The following HS6ST3 variants were observed in gnomAD, a reference collection of about 807,000 sequenced individuals.
HS6ST3 encodes the protein heparan-sulfate 6-O-sulfotransferase 3.
In HS6ST3, 12 loss-of-function variants were observed where a neutral mutation model predicts 36.7. That is an observed-to-expected ratio of 0.33 (90% CI 0.21 to 0.53). The LOEUF is 0.53. Among genes scored for constraint, HS6ST3 ranks in the 20% least tolerant of loss-of-function variants. The pLI is 0.95. For missense variants in HS6ST3, 584 were observed against 640.9 expected (o/e 0.91, Z 0.96); for synonymous variants, 240 against 257.5 (o/e 0.93, Z 0.65).
intron 1 of HS6ST3, among the ~76,000 whole-genome samples, chr13:96,154,494 C>T (rs953410187): frequency 2.0e-5 from 3 of 152,062 alleles, no homozygotes; most frequent in Non-Finnish European, 2.9e-5. Flanking sequence ...GGTGATTTCA[C>T]TATTCAGCTT....
At chr13:96,674,043 G>A (rs2138433043) in intron 1 of HS6ST3, among the ~76,000 whole-genome samples, 1 of 152,190 alleles carries the variant, frequency 6.6e-6, no homozygotes, top group East Asian at 1.9e-4. Flanking sequence ...GGGTGATATG[G>A]TTTGTATTTG....
chr13:96,166,146 C>T (rs1347061693), intron 1 of HS6ST3, among the ~76,000 whole-genome samples: 1 of 151,958 alleles, frequency 6.6e-6, no homozygotes, highest in Non-Finnish European at 1.5e-5. Context: ...TGGCCTTGAA[C>T]TTTTAGGCTC....
At chr13:96,403,933 G>A (rs946930924) in intron 1 of HS6ST3, among the ~76,000 whole-genome samples, 3 of 152,124 alleles carry the variant, frequency 2.0e-5, no homozygotes, top group Non-Finnish European at 2.9e-5. Context: ...TGGGCAGATT[G>A]GATGAGTAAT....
At chr13:96,729,019 T>C (rs768045944) in intron 1 of HS6ST3, among the ~76,000 whole-genome samples, 16 of 152,184 alleles carry the variant, frequency 1.1e-4, no homozygotes, top group Non-Finnish European at 1.9e-4. Context: ...TAAGAATGCA[T>C]AGGGAATGCT....
intron 1 of HS6ST3, among the ~76,000 whole-genome samples, chr13:96,330,465 A>G (rs1342356922): frequency 2.4e-4 from 36 of 148,674 alleles, no homozygotes; most frequent in African/African-American, 8.9e-4. Flanking sequence ...TGGATATGAA[A>G]TTCTGGGTTG....
chr13:96,273,930 TCC>T (rs2054734017), intron 1 of HS6ST3, among the ~76,000 whole-genome samples: 1 of 31,836 alleles, frequency 3.1e-5, no homozygotes, highest in African/African-American at 1.5e-4. Context: ...CCTTCTTCCC[TCC>T]CTCCCTCCCT....
chr13:96,516,444 T>C (rs1233531674), intron 1 of HS6ST3, among the ~76,000 whole-genome samples: 1 of 152,184 alleles, frequency 6.6e-6, no homozygotes, highest in East Asian at 1.9e-4. Context: ...ATATATTGAG[T>C]ACTTAATAGA....
intron 1 of HS6ST3, among the ~76,000 whole-genome samples, chr13:96,791,780 A>G (rs1203195854): frequency 1.3e-5 from 2 of 151,986 alleles, no homozygotes; most frequent in Admixed American, 1.3e-4. Flanking sequence ...TAGATCTTTA[A>G]CATTCTGTCC....
chr13:96,142,299 A>G (rs937926504), intron 1 of HS6ST3, among the ~76,000 whole-genome samples: 1 of 152,200 alleles, frequency 6.6e-6, no homozygotes, highest in African/African-American at 2.4e-5. Context: ...TTTAAAGGTA[A>G]TTGTACATTT....
At chr13:96,545,766 A>C (rs2056195427) in intron 1 of HS6ST3, among the ~76,000 whole-genome samples, 1 of 152,182 alleles carries the variant, frequency 6.6e-6, no homozygotes. Flanking sequence ...TTAAAAACAG[A>C]GGTTCCAAGT....
intron 1 of HS6ST3, among the ~76,000 whole-genome samples, chr13:96,299,572 T>C (rs1172851496): frequency 1.3e-5 from 2 of 152,122 alleles, no homozygotes; most frequent in Non-Finnish European, 2.9e-5. Context: ...GAACATGCAA[T>C]GTTTTTGTTG....
intron 1 of HS6ST3, among the ~76,000 whole-genome samples, chr13:96,579,329 G>C (rs1384695002): frequency 6.6e-6 from 1 of 152,060 alleles, no homozygotes; most frequent in Non-Finnish European, 1.5e-5. Flanking sequence ...TGAAGCAAGA[G>C]ACTATATGAC....
At chr13:96,441,683 A>G (rs2055672150) in intron 1 of HS6ST3, among the ~76,000 whole-genome samples, 1 of 152,234 alleles carries the variant, frequency 6.6e-6, no homozygotes, top group African/African-American at 2.4e-5. Flanking sequence ...ACAGAGCATG[A>G]TGCTGTAAAA....
chr13:96,334,060 T>C (rs2055086869), intron 1 of HS6ST3, among the ~76,000 whole-genome samples: 1 of 152,116 alleles, frequency 6.6e-6, no homozygotes, highest in South Asian at 2.1e-4. Flanking sequence ...GAGAGCTCTA[T>C]CAGGGAAGTG....
chr13:96,499,499 T>C (rs888586508), intron 1 of HS6ST3, among the ~76,000 whole-genome samples: 1 of 152,048 alleles, frequency 6.6e-6, no homozygotes, highest in East Asian at 1.9e-4. Context: ...TAAGTGAGTT[T>C]AAAGGCAAAG....
chr13:96,807,104 G>T (rs1399539213), intron 1 of HS6ST3, among the ~76,000 whole-genome samples: 1 of 152,140 alleles, frequency 6.6e-6, no homozygotes. Flanking sequence ...TAATCACCTG[G>T]TGAGAATCAC....
At chr13:96,362,424 A>G (rs1213630424) in intron 1 of HS6ST3, among the ~76,000 whole-genome samples, 1 of 152,186 alleles carries the variant, frequency 6.6e-6, no homozygotes, top group East Asian at 1.9e-4. Context: ...AACTACTATA[A>G]CAAATCGACT....
chr13:96,211,876 A>G (rs1453099420), intron 1 of HS6ST3, among the ~76,000 whole-genome samples: 2 of 152,216 alleles, frequency 1.3e-5, no homozygotes, highest in African/African-American at 2.4e-5. Context: ...TTTTTTAGAT[A>G]TTAACTTTCA....
intron 1 of HS6ST3, among the ~76,000 whole-genome samples, chr13:96,554,700 T>A (rs1566395050): frequency 6.6e-6 from 1 of 152,104 alleles, no homozygotes; most frequent in Non-Finnish European, 1.5e-5. Context: ...AGGGCCATAG[T>A]GCAGTCTCCT....
Sources: allele counts gnomAD v4.1 joint callset (sites outside exome capture counted in the v4.1 genomes callset), GRCh38; gene constraint gnomAD v4.1.1; transcripts MANE v1.5; gene names NCBI Gene and HGNC (gene_info 2026-07-23, HGNC 2026-07-21).